The following IL18BP variants were observed in gnomAD, a reference collection of about 807,000 sequenced individuals.
The protein encoded by IL18BP is interleukin 18 binding protein.
Under a neutral mutation model 19.9 loss-of-function variants are expected in IL18BP, and 23 were observed. The observed-to-expected ratio is 1.15, with a 90% CI of 0.83 to 1.64. IL18BP has a LOEUF of 1.64. Ranked by LOEUF, IL18BP falls within the 40% of genes most tolerant of loss-of-function variation. The pLI is 0.00. For synonymous variants in IL18BP, 107 were observed against 101.0 expected, an observed-to-expected ratio of 1.06 and a Z score of -0.35; for missense variants, 239 against 240.7, an observed-to-expected ratio of 0.99 and a Z score of 0.05.
downstream of IL18BP, chr11:72,003,835 G>T: frequency 3.8e-6 from 6 of 1,579,838 alleles, no homozygotes; most frequent in South Asian, 1.1e-5. Flanking sequence ...CGGTCTGGGG[G>T]GTGCCCATGC....
At chr11:72,007,361 G>A (rs1014236116), downstream of IL18BP, 5 of 1,613,632 alleles carry the variant, frequency 3.1e-6, no homozygotes, top group African/African-American at 5.3e-5. Context: ...TACCTTGGGG[G>A]GCAGGCGCTG....
At chr11:71,999,163 A>G (rs964695343) in intron 1 of IL18BP, 144 bp downstream of exon 1, 1 of 516,800 alleles carries the variant, frequency 1.9e-6, no homozygotes, top group Non-Finnish European at 3.9e-6. Flanking sequence ...AGCCTGGGAA[A>G]GGCCAGGATG....
Position 71,999,959 on chromosome 11 carries a change from G to C in IL18BP, c.-26G>C, listed in dbSNP as rs775381839. 8.7e-6 allele frequency: 14 copies of C among 1,613,318 alleles called. No individual in the cohort carries two copies. In the South Asian group the frequency reaches 1.5e-4, roughly 18 times the overall value. On this transcript the variant is annotated 5_prime_UTR_variant, in exon 2 of 6. Transcript: ENST00000393703. ...GACGTTGTCACAGATAAAGAGCCAG[G>C]CTCACCAGCTCCTGACGCATGCATC... is the stretch of plus-strand genomic sequence containing the variant.
Position 72,001,971 on chromosome 11 carries a change from ACAC to A in IL18BP, c.*112_*114del. 9 of 1,474,352 alleles carry A rather than the reference ACAC, an allele frequency of 6.1e-6. No homozygotes were observed. In the South Asian group the frequency reaches 8.6e-5, roughly 14 times the overall value. 91.3% of individuals were successfully genotyped at this position (1,474,352 alleles called of 1,614,324 possible). On this transcript the variant is annotated 3_prime_UTR_variant, in exon 6 of 6. Coordinates refer to ENST00000393703, the MANE Select transcript of IL18BP (RefSeq NM_001039660.2). ...CCTGTAGGCTGCGTGGATGCGCAAC[ACAC>A]CCCCTCCTTCTCTGCTTTGGGTCCC...
chr11:72,004,522 G>C, downstream of IL18BP: 1 of 1,247,294 alleles, frequency 8.0e-7, no homozygotes, highest in East Asian at 2.4e-5. Context: ...GGCCCTTGGA[G>C]AGAGGGAAAG....
At chr11:72,005,885 C>T (rs1034687378), downstream of IL18BP, 16 of 683,826 alleles carry the variant, frequency 2.3e-5, no homozygotes, top group Middle Eastern at 4.2e-4. Flanking sequence ...TAAGGAAGGC[C>T]CTGAGGCTGC....
At position 72,002,046 on chromosome 11, in the gene IL18BP, C is replaced by A. The variant is rs937052022; in HGVS notation, c.*185C>A. ...CCATTCCCACCTACCTAGAAAATCACAGCCTCCTTATAATGCCTCCTCCTC... is the reference window on the plus strand; with the variant it reads ...CCATTCCCACCTACCTAGAAAATCAAAGCCTCCTTATAATGCCTCCTCCTC... On this transcript the variant is annotated 3_prime_UTR_variant, in exon 6 of 6. Coordinates refer to ENST00000393703, the MANE Select transcript of IL18BP (RefSeq NM_001039660.2). The A allele has an allele frequency of 7.4e-6, 6 of 811,166 alleles. No individual in the cohort carries two copies. Among genetic ancestry groups the A allele is most frequent in the Non-Finnish European group, 9.8e-6 (5 of 510,822 alleles). 50.2% of individuals were successfully genotyped at this position (811,166 alleles called of 1,614,324 possible).
chr11:72,005,575 G>T (rs1955630288), downstream of IL18BP: 1 of 563,074 alleles, frequency 1.8e-6, no homozygotes, highest in Non-Finnish European at 3.1e-6. Context: ...CCCTGGAGAG[G>T]GCAGAAGAGG....
At chr11:72,007,251 C>T (rs148082297), downstream of IL18BP, 1,076 of 1,612,720 alleles carry the variant, frequency 6.7e-4, no homozygotes, top group Non-Finnish European at 8.8e-4. Context: ...GTCTTACGAC[C>T]CGAGTCCAGG....
At chr11:72,000,285 T>TA (rs1330640928) in intron 2 of IL18BP, 66 bp from the exon 3 acceptor site, 20 of 1,416,870 alleles carry the variant, frequency 1.4e-5, no homozygotes, top group Admixed American at 1.3e-4. Flanking sequence ...GGGCTGGAGT[T>TA]ACATCCTTAC....
At chr11:72,008,078 C>T (rs1170193751), downstream of IL18BP, 1 of 476,260 alleles carries the variant, frequency 2.1e-6, no homozygotes, top group African/African-American at 2.0e-5. Context: ...TTAAAGGAGA[C>T]AGAATAAACC....
chr11:72,005,961 T>G (rs1955656635), downstream of IL18BP: 1 of 1,263,348 alleles, frequency 7.9e-7, no homozygotes, highest in African/African-American at 1.5e-5. Flanking sequence ...TAAAAAGCTT[T>G]CCTCTTTTCC....
At chr11:72,003,432 G>T (rs949593844), downstream of IL18BP, 1 of 1,240,832 alleles carries the variant, frequency 8.1e-7, no homozygotes, top group Non-Finnish European at 1.2e-6. Context: ...GTTGGCCTGG[G>T]AGCTGAGAGA....
chr11:72,001,419 G>A lies in IL18BP; in HGVS notation c.374G>A (p.Ser125Asn). The A allele has an allele frequency of 1.2e-6, 2 of 1,614,174 alleles. No homozygotes were observed. The highest frequency in any genetic ancestry group is 8.5e-7 in the Non-Finnish European group (1 of 1,179,986). Residue 125 changes from serine (S) to asparagine (N), a missense_variant, in exon 5 of 6, where the codon AGC becomes AAC. By Grantham distance (46) the Ser-to-Asn change is conservative. Transcript: ENST00000393703. ...WEGSTSRERG[S>N]TGTQLCKALV... is the part of the protein sequence containing the mutation. ...TTCCGCTCCAGCCGGGAACGTGGGA[G>A]CACAGGTACGCAGCTGTGCAAGGCC...
Position 72,001,435 on chromosome 11 carries a change from G to A in IL18BP, c.390G>A (p.Leu130=), listed in dbSNP as rs1449590695. 1.2e-6 allele frequency: 2 copies of A among 1,614,248 alleles called. No individual in the cohort carries two copies. Among genetic ancestry groups the A allele is most frequent in the East Asian group, 2.2e-5 (1 of 44,886 alleles). ...SRERGSTGTQ[L]CKALVLEQLT... Reference sequence around the variant, plus strand: ...AACGTGGGAGCACAGGTACGCAGCTGTGCAAGGCCTTGGTGCTGGAGCAGC... The same window carrying A: ...AACGTGGGAGCACAGGTACGCAGCTATGCAAGGCCTTGGTGCTGGAGCAGC... The change falls in exon 5 of 6, where the codon CTG becomes CTA. Residue 130 remains leucine, a synonymous_variant. Transcript: ENST00000393703.
downstream of IL18BP, chr11:72,005,103 A>G: frequency 1.8e-6 from 2 of 1,099,404 alleles, no homozygotes; most frequent in Non-Finnish European, 2.5e-6. Context: ...ACCTGGAAAC[A>G]TGAGAAGGTC....
downstream of IL18BP, chr11:72,007,645 A>G (rs1403958108): frequency 1.6e-6 from 1 of 630,228 alleles, no homozygotes; most frequent in African/African-American, 1.9e-5. Flanking sequence ...AGCTCCTCAT[A>G]GTGGCAATGC....
chr11:72,004,595 C>G, downstream of IL18BP: 7 of 1,587,338 alleles, frequency 4.4e-6, no homozygotes, highest in Non-Finnish European at 6.0e-6. Context: ...CTGGGCCTGA[C>G]CTGAGCACAG....
downstream of IL18BP, chr11:72,007,686 G>A: frequency 1.8e-6 from 1 of 541,088 alleles, no homozygotes; most frequent in Non-Finnish European, 3.3e-6. Context: ...CCCACCAGAT[G>A]CCCATGGCTG....
Sources: gnomAD v4.1 joint callset for allele counts on GRCh38, gnomAD v4.1.1 for gene constraint, MANE v1.5 for transcripts, NCBI Gene and HGNC (gene_info 2026-07-23, HGNC 2026-07-21) for gene names.